The following DLGAP1 variants were observed in gnomAD, a reference collection of about 807,000 sequenced individuals.
The protein encoded by DLGAP1 is disks large-associated protein 1.
In DLGAP1, 11 loss-of-function variants were observed where a neutral mutation model predicts 90.8. The observed-to-expected ratio is 0.12, with a 90% CI of 0.08 to 0.20. The LOEUF (loss-of-function observed/expected upper bound fraction) is 0.20. Among genes scored for constraint, DLGAP1 ranks in the 10% least tolerant of loss-of-function variants. The probability of loss-of-function intolerance (pLI) is 1.00; values close to 1 mark genes in which losing one functional copy is unlikely to be tolerated. For missense variants in DLGAP1, 1,050 were observed against 1,333.8 expected (o/e 0.79, Z 3.31); for synonymous variants, 558 against 540.7 (o/e 1.03, Z -0.44).
intron 5 of DLGAP1, among the ~76,000 whole-genome samples, chr18:3,765,120 TTTTTTTTTTC>T (rs1158661363): frequency 2.9e-5 from 4 of 136,712 alleles, no homozygotes; most frequent in East Asian, 2.7e-4. Flanking sequence ...TTGCAAACTT[TTTTTTTTTTC>T]TTTTTTTTTT....
At chr18:4,427,512 G>A (rs929928258) in intron 1 of DLGAP1, among the ~76,000 whole-genome samples, 3 of 152,122 alleles carry the variant, frequency 2.0e-5, no homozygotes, top group Non-Finnish European at 2.9e-5. Flanking sequence ...GTTCTTCAGG[G>A]AGGTTTTGTA....
chr18:4,331,611 A>G (rs2080954184), intron 1 of DLGAP1, among the ~76,000 whole-genome samples: 1 of 151,744 alleles, frequency 6.6e-6, no homozygotes. Flanking sequence ...TTGCACTTCG[A>G]ACAAAATGTA....
chr18:3,645,456 G>A (rs1009992611), intron 7 of DLGAP1, among the ~76,000 whole-genome samples: 1 of 152,018 alleles, frequency 6.6e-6, no homozygotes, highest in African/African-American at 2.4e-5. Context: ...CCAACTTCAT[G>A]CCTGGATGTT....
intron 1 of DLGAP1, among the ~76,000 whole-genome samples, chr18:4,282,587 G>A (rs989132655): frequency 6.6e-6 from 1 of 152,122 alleles, no homozygotes; most frequent in Non-Finnish European, 1.5e-5. Context: ...TGTATGTTTA[G>A]CACTGACAAC....
intron 1 of DLGAP1, among the ~76,000 whole-genome samples, chr18:4,217,527 G>T (rs1186818752): frequency 6.6e-6 from 1 of 151,918 alleles, no homozygotes; most frequent in African/African-American, 2.4e-5. Flanking sequence ...GCCAGCATTT[G>T]GTACTGCAGT....
intron 2 of DLGAP1, among the ~76,000 whole-genome samples, chr18:4,069,976 T>C (rs1174186233): frequency 3.3e-5 from 5 of 151,916 alleles, no homozygotes; most frequent in Non-Finnish European, 7.4e-5. Flanking sequence ...CATATTTTCT[T>C]TTTCTTTCTT....
At chr18:4,242,498 G>A (rs1401869152) in intron 1 of DLGAP1, among the ~76,000 whole-genome samples, 1 of 152,056 alleles carries the variant, frequency 6.6e-6, no homozygotes, top group Non-Finnish European at 1.5e-5. Flanking sequence ...TGCAAACTTA[G>A]GAAAAACTTT....
chr18:3,970,267 TA>T (rs1241047329), intron 3 of DLGAP1, among the ~76,000 whole-genome samples: 4 of 152,316 alleles, frequency 2.6e-5, no homozygotes, highest in Admixed American at 2.0e-4. Flanking sequence ...TCATAGAGAA[TA>T]AATGAGATGA....
chr18:3,943,382 C>T lies in DLGAP1; in HGVS notation c.-73+61734G>A, dbSNP rs2072809798. On this transcript the variant is annotated intron_variant, in intron 3 of 12. Transcript: ENST00000315677. ...TTTTTATTTTGGTATCATCAAAGAG[C>T]TTATTCATGTCAAGGTTTTTAAGGT... is the stretch of plus-strand genomic sequence containing the variant. Among the ~76,000 whole-genome samples, 2 of 150,050 alleles carry T rather than the reference C, an allele frequency of 1.3e-5. 1 individual carries two copies. The highest frequency in any genetic ancestry group is 4.2e-4 in the South Asian group (2 of 4,746).
At chr18:3,946,418 A>G (rs2072880003) in intron 3 of DLGAP1, among the ~76,000 whole-genome samples, 1 of 152,240 alleles carries the variant, frequency 6.6e-6, no homozygotes, top group South Asian at 2.1e-4. Context: ...TTCATAAGCA[A>G]CAAATATCAA....
intron 1 of DLGAP1, among the ~76,000 whole-genome samples, chr18:4,218,697 T>A (rs910500527): frequency 6.6e-6 from 1 of 151,976 alleles, no homozygotes; most frequent in African/African-American, 2.4e-5. Context: ...AGATTCCACA[T>A]ATAAGTAAAA....
At chr18:4,159,587 G>T (rs966021827) in intron 1 of DLGAP1, among the ~76,000 whole-genome samples, 10 of 152,220 alleles carry the variant, frequency 6.6e-5, no homozygotes, top group African/African-American at 1.9e-4. Context: ...GAATGAACCT[G>T]TGTTGTTCAT....
chr18:3,909,297 G>A (rs185366963), intron 3 of DLGAP1, among the ~76,000 whole-genome samples: 202 of 152,296 alleles, frequency 1.3e-3, no homozygotes, highest in African/African-American at 4.7e-3. Flanking sequence ...AAGCACCTAA[G>A]TTCCCTTATT....
chr18:4,453,672 T>G (rs2083891584), intron 1 of DLGAP1, among the ~76,000 whole-genome samples: 1 of 152,214 alleles, frequency 6.6e-6, no homozygotes, highest in South Asian at 2.1e-4. Context: ...TGATCTATCC[T>G]CACCTTCTAC....
At chr18:4,326,307 A>G (rs1310339769) in intron 1 of DLGAP1, among the ~76,000 whole-genome samples, 2 of 152,144 alleles carry the variant, frequency 1.3e-5, no homozygotes, top group Non-Finnish European at 2.9e-5. Flanking sequence ...ACTGTCTCAC[A>G]GATGTCAGAA....
chr18:4,082,509 T>TAAAAAAAAAAAAAAAA (rs2075624129), intron 2 of DLGAP1, among the ~76,000 whole-genome samples: 1 of 13,796 alleles, frequency 7.2e-5, no homozygotes, highest in Non-Finnish European at 1.1e-4. Context: ...AGACTTTGTC[T>TAAAAAAAAAAAAAAAA]CAAAAAAAAA....
At chr18:3,770,205 G>A (rs1171805079) in intron 5 of DLGAP1, 1 of 152,208 alleles carries the variant, frequency 6.6e-6, no homozygotes, top group Admixed American at 6.5e-5. Flanking sequence ...GTTGGAGACA[G>A]GCACTACTAT....
At chr18:3,596,580 C>A in intron 7 of DLGAP1, 1 of 214,824 alleles carries the variant, frequency 4.7e-6, no homozygotes, top group Non-Finnish European at 9.3e-6. Context: ...TCTGGCCAGA[C>A]TGAGAGAAAG....
chr18:3,820,015 C>T (rs567585424), intron 4 of DLGAP1, among the ~76,000 whole-genome samples: 1 of 152,198 alleles, frequency 6.6e-6, no homozygotes, highest in Non-Finnish European at 1.5e-5. Context: ...AGCTTGAGTG[C>T]CCCACTTTGG....
Sources: gnomAD v4.1 joint callset for allele counts (sites outside exome capture counted in the v4.1 genomes callset) on GRCh38, gnomAD v4.1.1 for gene constraint, MANE v1.5 for transcripts, NCBI Gene and HGNC (gene_info 2026-07-23, HGNC 2026-07-21) for gene names.